ESPNL: variants seen among roughly 807,000 people sequenced by gnomAD.
ESPNL encodes espin-like protein.
Under a neutral mutation model 46.8 loss-of-function variants are expected in ESPNL, and 49 were observed. The ratio of observed to expected loss-of-function variants is 1.05; its 90% CI spans 0.83 to 1.33. The LOEUF (loss-of-function observed/expected upper bound fraction) is 1.33. Ranked by LOEUF, ESPNL falls within the 40% of genes most tolerant of loss-of-function variation. The pLI is 0.00. For synonymous variants in ESPNL, 664 were observed against 662.1 expected, an observed-to-expected ratio of 1.00 and a Z score of -0.04; for missense variants, 1,540 against 1,436.6, an observed-to-expected ratio of 1.07 and a Z score of -1.16.
intron 1 of ESPNL, among the ~76,000 whole-genome samples, chr2:238,101,623 A>T (rs1691480353): frequency 6.6e-6 from 1 of 152,160 alleles, no homozygotes; most frequent in Non-Finnish European, 1.5e-5. Flanking sequence ...CCATGAGCAG[A>T]GTGGGCAGGT....
intron 3 of ESPNL, among the ~76,000 whole-genome samples, chr2:238,105,162 G>A (rs1006152146): frequency 6.6e-6 from 1 of 152,186 alleles, no homozygotes; most frequent in South Asian, 2.1e-4. Flanking sequence ...CGGGTGCTTT[G>A]TCTGCGCCCA....
At chr2:238,127,466 C>A in intron 6 of ESPNL, 156 bp from the exon 7 acceptor site, 2 of 1,392,010 alleles carry the variant, frequency 1.4e-6, no homozygotes, top group South Asian at 3.2e-5. Context: ...CCAGTGGGGC[C>A]CCCGAGGTGT....
intron 5 of ESPNL, among the ~76,000 whole-genome samples, chr2:238,117,853 T>G (rs1691850939): frequency 6.7e-6 from 1 of 149,612 alleles, no homozygotes; most frequent in African/African-American, 2.5e-5. Context: ...GAGTGAAAAA[T>G]GAGGAGAGGG....
chr2:238,129,456 G>A (rs1322195369), intron 8 of ESPNL, among the ~76,000 whole-genome samples: 1 of 152,206 alleles, frequency 6.6e-6, no homozygotes, highest in African/African-American at 2.4e-5. Flanking sequence ...CGGGGGAGGA[G>A]CAGGAGGAGG....
At chr2:238,126,766 A>G (rs1405605134) in intron 6 of ESPNL, among the ~76,000 whole-genome samples, 9 of 137,838 alleles carry the variant, frequency 6.5e-5, no homozygotes, top group African/African-American at 2.5e-4. Flanking sequence ...GTGTCTGTGT[A>G]TCTGTGTGTG....
intron 4 of ESPNL, among the ~76,000 whole-genome samples, chr2:238,108,939 C>G (rs10186582): frequency 5.9e-5 from 9 of 152,154 alleles, no homozygotes; most frequent in South Asian, 2.1e-4. Flanking sequence ...CCCAATCCCC[C>G]CTCCCGGCAG....
At chr2:238,123,779 C>T (rs1335348123) in intron 5 of ESPNL, among the ~76,000 whole-genome samples, 1 of 152,222 alleles carries the variant, frequency 6.6e-6, no homozygotes, top group Non-Finnish European at 1.5e-5. Context: ...CCACCGCGCA[C>T]CAGGGTTCCT....
Position 238,111,946 on chromosome 2 carries a change from T to C in ESPNL, c.855+3973T>C, listed in dbSNP as rs941637741. Among the ~76,000 whole-genome samples the C allele has an allele frequency of 2.0e-5, 3 of 152,362 alleles. No individual in the cohort carries two copies. The South Asian group carries it at 6.2e-4, about 32-fold the overall frequency. The stretch of plus-strand genomic sequence containing the variant: ...ATTTTGTTTAGGATTTTTGGCCTTA[T>C]ATTCTTGAGTAAAATTGGCATGGAA... On this transcript the variant is annotated intron_variant, in intron 4 of 8. Transcript: ENST00000343063.
intron 2 of ESPNL, among the ~76,000 whole-genome samples, chr2:238,103,380 G>A (rs1574725976): frequency 6.6e-6 from 1 of 152,156 alleles, no homozygotes; most frequent in African/African-American, 2.4e-5. Context: ...AGTAAGCTGG[G>A]ATTGTGCCAC....
At chr2:238,113,888 G>C (rs1443972407) in intron 4 of ESPNL, among the ~76,000 whole-genome samples, 1 of 152,174 alleles carries the variant, frequency 6.6e-6, no homozygotes, top group Non-Finnish European at 1.5e-5. Flanking sequence ...CCAGGCTCAG[G>C]GCAAGAGCAG....
intron 5 of ESPNL, among the ~76,000 whole-genome samples, chr2:238,123,591 C>T (rs1455254781): frequency 7.9e-5 from 12 of 152,172 alleles, no homozygotes; most frequent in Admixed American, 5.2e-4. Context: ...ATCCCACACC[C>T]GGCCCAAGCC....
At chr2:238,119,451 G>A (rs1240840729) in intron 5 of ESPNL, among the ~76,000 whole-genome samples, 1 of 135,578 alleles carries the variant, frequency 7.4e-6, no homozygotes, top group Non-Finnish European at 1.6e-5. Context: ...TGGAGGAGAG[G>A]AGGTTAGATG....
intron 4 of ESPNL, among the ~76,000 whole-genome samples, chr2:238,109,932 G>A (rs56348800): frequency 6.6e-4 from 99 of 149,006 alleles, no homozygotes; most frequent in Non-Finnish European, 1.2e-3. Flanking sequence ...GTTACCGAGG[G>A]TCCCTTTTCT....
rs1020156242 is a variant in ESPNL, at chr2:238,128,878, G to A, written c.1387G>A (p.Gly463Ser). 1.1e-4 allele frequency: 163 copies of A among 1,544,322 alleles called. 2 individuals are homozygous for A. The highest frequency in any genetic ancestry group is 2.1e-4 in the Middle Eastern group (1 of 4,822). The change falls in exon 8 of 9, where the codon GGC (glycine) becomes AGC (serine). Residue 463 changes from glycine to serine, a missense_variant. Coordinates refer to ENST00000343063, the MANE Select transcript of ESPNL (RefSeq NM_194312.4). ...GGTGCGGAAGCTGCAGGCGCGCCTG[G>A]GCGCAGAGAGCTCCGCAGAGGCCCA... ...VMVRKLQARL[G>S]AESSAEAQDN...
At chr2:238,102,892 C>T (rs556066633) in intron 2 of ESPNL, among the ~76,000 whole-genome samples, 4 of 152,310 alleles carry the variant, frequency 2.6e-5, no homozygotes, top group African/African-American at 7.2e-5. Flanking sequence ...ATTTTCCTGT[C>T]GCTGCCCCAG....
chr2:238,124,651 ATGTGTGCAGGAGAGTGTACATGTGTG>A (rs1559265791), intron 5 of ESPNL, among the ~76,000 whole-genome samples: 3 of 120,180 alleles, frequency 2.5e-5, no homozygotes, highest in Non-Finnish European at 3.4e-5. Context: ...GTGTACGTGC[ATGTGTGCAGGAGAGTGTACATGTGTG>A]TGTGTGCAGG....
At chr2:238,125,767 T>TTTGGAGTGGAG (rs1553573702) in intron 6 of ESPNL, among the ~76,000 whole-genome samples, 2 of 146,276 alleles carry the variant, frequency 1.4e-5, no homozygotes, top group Non-Finnish European at 3.0e-5. Flanking sequence ...TGTGACCAGC[T>TTTGGAGTGGAG]TGGAGTGGAG....
chr2:238,104,572 G>C, intron 2 of ESPNL, 84 bp from the exon 3 acceptor site: 1 of 1,377,512 alleles, frequency 7.3e-7, no homozygotes, highest in African/African-American at 1.5e-5. Flanking sequence ...GCAGGGCCAG[G>C]GGGCAGCGGT....
At chr2:238,122,898 C>T (rs1347629634) in intron 5 of ESPNL, among the ~76,000 whole-genome samples, 1 of 152,228 alleles carries the variant, frequency 6.6e-6, no homozygotes, top group Non-Finnish European at 1.5e-5. Context: ...CGCGTCTGGT[C>T]TGGAGTCTGA....
Sources: gnomAD v4.1 joint callset for allele counts (sites outside exome capture counted in the v4.1 genomes callset) on GRCh38, gnomAD v4.1.1 for gene constraint, MANE v1.5 for transcripts, NCBI Gene and HGNC (gene_info 2026-07-23, HGNC 2026-07-21) for gene names.